Variants in GAB2 observed in about 807,000 individuals in gnomAD.
GAB2 encodes the protein GRB2-associated-binding protein 2.
A neutral mutation model predicts 65.5 loss-of-function variants in GAB2; 26 were observed. That is an observed-to-expected ratio of 0.40 (90% confidence interval 0.29 to 0.55). GAB2 has a LOEUF of 0.55. GAB2 is among the 20% of genes least tolerant of loss of function. The pLI, the probability that GAB2 is intolerant of heterozygous loss-of-function variation, is 0.53. For synonymous variants in GAB2, 321 were observed against 329.6 expected, an observed-to-expected ratio of 0.97 and a Z score of 0.28; for missense variants, 884 against 875.8, an observed-to-expected ratio of 1.01 and a Z score of -0.12.
chr11:78,264,650 T>C (rs1313417012), intron 2 of GAB2, among the ~76,000 whole-genome samples: 1 of 152,076 alleles, frequency 6.6e-6, no homozygotes, highest in Non-Finnish European at 1.5e-5. Flanking sequence ...TCAGGTGGTT[T>C]ATCTCCCTTG....
At chr11:78,358,895 TA>T (rs1176738718) in intron 1 of GAB2, among the ~76,000 whole-genome samples, 1 of 152,076 alleles carries the variant, frequency 6.6e-6, no homozygotes, top group Non-Finnish European at 1.5e-5. Context: ...AACGAGAGTA[TA>T]AAAAAGAACT....
In GAB2 at chr11:78,225,337, A is replaced by AT. The variant is rs759252736; in HGVS notation, c.1208-136dup. On this transcript the variant is annotated intron_variant, in intron 4 of 9. Coordinates refer to ENST00000361507, the MANE Select transcript of GAB2 (RefSeq NM_080491.3). ...TACTCTCAACCCCAAATGATAAGGA[A>AT]TTTCTTCGAACACATCACTCCTCAG... 61 of 609,668 alleles carry AT rather than the reference A, an allele frequency of 1.0e-4. No individual in the cohort carries two copies. The East Asian group carries it at 1.5e-3, about 15-fold the overall frequency. The allele number at this position is 609,668 out of a possible 1,614,324, so 37.8% of individuals were successfully genotyped here. A position where few individuals can be genotyped will look rare whatever the true frequency, so the allele number is the denominator to read the frequency against.
chr11:78,274,299 T>C (rs1211862369), intron 2 of GAB2, among the ~76,000 whole-genome samples: 28 of 151,520 alleles, frequency 1.8e-4, no homozygotes, highest in Admixed American at 1.8e-3. Context: ...GATGAACAGA[T>C]GGAAGGAAGG....
At chr11:78,357,572 AAAAC>A (rs1856376022) in intron 1 of GAB2, among the ~76,000 whole-genome samples, 1 of 152,348 alleles carries the variant, frequency 6.6e-6, no homozygotes, top group East Asian at 1.9e-4. Context: ...TTACAAGAAA[AAAAC>A]AAACAACCCC....
At chr11:78,257,810 C>T (rs1379868281) in intron 2 of GAB2, among the ~76,000 whole-genome samples, 2 of 151,728 alleles carry the variant, frequency 1.3e-5, no homozygotes, top group Admixed American at 6.6e-5. Flanking sequence ...CATATTATTA[C>T]CTCCATTTTT....
At chr11:78,354,499 T>C (rs1386901181) in intron 1 of GAB2, among the ~76,000 whole-genome samples, 5 of 152,106 alleles carry the variant, frequency 3.3e-5, no homozygotes, top group East Asian at 1.9e-4. Flanking sequence ...AAAAAGGCTT[T>C]TGACACTGCA....
At chr11:78,367,291 G>C (rs529942667) in intron 1 of GAB2, among the ~76,000 whole-genome samples, 21 of 152,324 alleles carry the variant, frequency 1.4e-4, no homozygotes, top group African/African-American at 4.8e-4. Context: ...CAAAAATCCT[G>C]CCTTCGAAGG....
chr11:78,322,663 T>G (rs1170839225), intron 1 of GAB2, among the ~76,000 whole-genome samples: 1 of 152,056 alleles, frequency 6.6e-6, no homozygotes, highest in East Asian at 1.9e-4. Context: ...GAACAGACAC[T>G]TCTCAAAAGA....
At chr11:78,314,534 C>T (rs1855562400) in intron 1 of GAB2, among the ~76,000 whole-genome samples, 1 of 152,210 alleles carries the variant, frequency 6.6e-6, no homozygotes, top group African/African-American at 2.4e-5. Flanking sequence ...TCCAACTTTG[C>T]TGTGCTTTAG....
chr11:78,389,565 C>T (rs1261430298), intron 1 of GAB2, among the ~76,000 whole-genome samples: 1 of 152,198 alleles, frequency 6.6e-6, no homozygotes, highest in Non-Finnish European at 1.5e-5. Flanking sequence ...ACCTCGGCTT[C>T]CCAAAGTGCT....
chr11:78,299,381 G>A (rs565203674), intron 1 of GAB2, among the ~76,000 whole-genome samples: 1 of 152,282 alleles, frequency 6.6e-6, no homozygotes, highest in South Asian at 2.1e-4. Context: ...AAAGACAGAG[G>A]ATTGAAAATG....
At chr11:78,219,634 C>T (rs765618462) in intron 9 of GAB2, among the ~76,000 whole-genome samples, 2 of 152,186 alleles carry the variant, frequency 1.3e-5, no homozygotes, top group Non-Finnish European at 1.5e-5. Flanking sequence ...TGTAGCAGCA[C>T]CTGCCAGCCC....
intron 3 of GAB2, among the ~76,000 whole-genome samples, chr11:78,233,871 A>G (rs1441728951): frequency 6.6e-6 from 1 of 152,210 alleles, no homozygotes; most frequent in Non-Finnish European, 1.5e-5. Context: ...GCTGCCTCCC[A>G]AAGTGCTGAG....
At chr11:78,340,659 G>C (rs73500927) in intron 1 of GAB2, among the ~76,000 whole-genome samples, 2,969 of 151,376 alleles carry the variant, frequency 0.02, 77 homozygotes, top group African/African-American at 0.061. Flanking sequence ...TAGTAAGACT[G>C]GGGGAAGAGA....
chr11:78,368,388 C>T (rs1022637716), intron 1 of GAB2, among the ~76,000 whole-genome samples: 11 of 152,182 alleles, frequency 7.2e-5, no homozygotes, highest in Middle Eastern at 6.3e-3. Context: ...ACCTGAAATT[C>T]TCAAGTGAGG....
chr11:78,309,508 C>T (rs1018189756), intron 1 of GAB2, among the ~76,000 whole-genome samples: 4 of 146,896 alleles, frequency 2.7e-5, no homozygotes, highest in African/African-American at 7.6e-5. Flanking sequence ...CTCAGTCTGT[C>T]GCTCAGGCTG....
At chr11:78,341,854 C>T (rs1427516002) in intron 1 of GAB2, 3 of 985,546 alleles carry the variant, frequency 3.0e-6, no homozygotes, top group East Asian at 1.1e-4. Flanking sequence ...CAGGGATCTT[C>T]TTCATCCCAC....
At chr11:78,315,475 T>TA (rs1012455452) in intron 1 of GAB2, among the ~76,000 whole-genome samples, 2 of 152,032 alleles carry the variant, frequency 1.3e-5, no homozygotes, top group East Asian at 1.9e-4. Flanking sequence ...TATCCACATG[T>TA]AAAAAAACAG....
intron 2 of GAB2, among the ~76,000 whole-genome samples, chr11:78,273,101 C>T (rs1295981120): frequency 6.6e-6 from 1 of 152,212 alleles, no homozygotes; most frequent in Non-Finnish European, 1.5e-5. Flanking sequence ...GTGGGGCCCT[C>T]ATGGAAAACC....
Sources: allele counts gnomAD v4.1 joint callset (sites outside exome capture counted in the v4.1 genomes callset), GRCh38; gene constraint gnomAD v4.1.1; transcripts MANE v1.5; gene names NCBI Gene and HGNC (gene_info 2026-07-23, HGNC 2026-07-21).